Variants in ZNF385D observed in about 807,000 individuals in gnomAD.
ZNF385D encodes zinc finger protein 659.
Under a neutral mutation model 35.8 loss-of-function variants are expected in ZNF385D, and 15 were observed. That is an observed-to-expected ratio of 0.42 (90% CI 0.28 to 0.64). The LOEUF (loss-of-function observed/expected upper bound fraction) is 0.64, where lower values mean the gene tolerates loss of function less well. ZNF385D is among the 30% of genes least tolerant of loss of function. ZNF385D has a pLI of 0.23. For missense variants in ZNF385D, 474 were observed against 494.6 expected (o/e 0.96, Z 0.39); for synonymous variants, 212 against 186.8 (o/e 1.13, Z -1.10).
At chr3:22,005,482 A>G (rs541818123) in intron 3 of ZNF385D, among the ~76,000 whole-genome samples, 2 of 152,226 alleles carry the variant, frequency 1.3e-5, no homozygotes, top group South Asian at 2.1e-4. Context: ...TTAAATAGCT[A>G]TAAGAAAAGA....
At chr3:22,094,799 G>T (rs558517138) in intron 3 of ZNF385D, among the ~76,000 whole-genome samples, 3 of 152,044 alleles carry the variant, frequency 2.0e-5, no homozygotes, top group Non-Finnish European at 2.9e-5. Flanking sequence ...TACAGCTGTA[G>T]GTTGTCAGTT....
chr3:21,869,365 A>G (rs903597785), intron 3 of ZNF385D, among the ~76,000 whole-genome samples: 39 of 152,144 alleles, frequency 2.6e-4, no homozygotes, highest in Admixed American at 2.0e-4. Context: ...GTATTAACTA[A>G]TGTCCCACAC....
chr3:21,845,128 T>C (rs984712007), intron 3 of ZNF385D, among the ~76,000 whole-genome samples: 2 of 151,982 alleles, frequency 1.3e-5, no homozygotes, highest in Admixed American at 1.3e-4. Flanking sequence ...GTCAGAATTA[T>C]GGTTAGTCAT....
At chr3:21,889,602 CTG>C (rs1201297770) in intron 3 of ZNF385D, among the ~76,000 whole-genome samples, 4 of 151,890 alleles carry the variant, frequency 2.6e-5, no homozygotes, top group African/African-American at 9.7e-5. Flanking sequence ...AGAAAAAAAA[CTG>C]GGGAGAGAAA....
chr3:22,114,878 C>T (rs753226693), intron 3 of ZNF385D, among the ~76,000 whole-genome samples: 1 of 152,022 alleles, frequency 6.6e-6, no homozygotes, highest in Non-Finnish European at 1.5e-5. Context: ...AGAGCCTTTA[C>T]AGGGCATCTG....
chr3:22,164,216 C>CTTTTTTTTTTTTTTTTTTTTTTT lies in ZNF385D; in HGVS notation c.325+4578_325+4600dup, dbSNP rs571978176. ...CACTATAGGTAATACAAAAGGAGCA[C>CTTTTTTTTTTTTTTTTTTTTTTT]TTTTTTTTTTTTTTTTTTTTTTTTT... On this transcript the variant is annotated intron_variant, in intron 3 of 5. Coordinates refer to the ZNF385D transcript ENST00000494108. 5.1e-4 allele frequency among the ~76,000 whole-genome samples: 38 copies of CTTTTTTTTTTTTTTTTTTTTTTT among 74,950 alleles called. 6 individuals are homozygous for CTTTTTTTTTTTTTTTTTTTTTTT. Among genetic ancestry groups the CTTTTTTTTTTTTTTTTTTTTTTT allele is most frequent in the African/African-American group, 6.5e-4 (13 of 19,880 alleles). 49.2% of individuals were successfully genotyped at this position (74,950 alleles called of 152,430 possible). A position where few individuals can be genotyped will look rare whatever the true frequency, so the allele number is the denominator to read the frequency against.
intron 3 of ZNF385D, among the ~76,000 whole-genome samples, chr3:22,033,554 T>C (rs1443368020): frequency 1.3e-5 from 2 of 152,020 alleles, no homozygotes; most frequent in East Asian, 1.9e-4. Flanking sequence ...ATTATGAGTA[T>C]GTCACAGAAG....
At chr3:22,292,333 C>A (rs1412068678) in intron 2 of ZNF385D, among the ~76,000 whole-genome samples, 1 of 151,906 alleles carries the variant, frequency 6.6e-6, no homozygotes, top group Admixed American at 6.6e-5. Context: ...ATATTTTTAT[C>A]TCGTTTCTTT....
chr3:22,082,411 G>A (rs1700799191), intron 3 of ZNF385D, among the ~76,000 whole-genome samples: 1 of 152,278 alleles, frequency 6.6e-6, no homozygotes. Context: ...TCCGTGCCTG[G>A]CTCTGTGGGT....
intron 3 of ZNF385D, among the ~76,000 whole-genome samples, chr3:22,057,932 A>G (rs909177603): frequency 2.0e-5 from 3 of 152,220 alleles, no homozygotes; most frequent in South Asian, 2.1e-4. Flanking sequence ...TCATGGTTTC[A>G]CTATGACAAA....
At position 21,751,048 on chromosome 3, in the gene ZNF385D, G is replaced by C; in HGVS notation, c.-132C>G. 6.4e-7 allele frequency: 1 copy of C among 1,554,742 alleles called. No individual in the cohort carries two copies. The highest frequency in any genetic ancestry group is 1.2e-5 in the South Asian group (1 of 82,412). ...CGGCGTGGAGAGCAGTGAGCGCCGA[G>C]AGCGTGCCTCCTCCGCGGGATGAGC... is the stretch of plus-strand genomic sequence containing the variant. On this transcript the variant is annotated 5_prime_UTR_variant, in exon 1 of 8. Coordinates refer to ENST00000281523, the MANE Select transcript of ZNF385D (RefSeq NM_024697.3).
rs145490191 is a variant in ZNF385D at position 22,324,953 on chromosome 3, G to C, written c.106+47497C>G. Among the ~76,000 whole-genome samples, 428 of 152,304 alleles carry C rather than the reference G, an allele frequency of 2.8e-3. 1 individual carries two copies. Among genetic ancestry groups the C allele is most frequent in the Middle Eastern group, 0.024 (7 of 294 alleles). On this transcript the variant is annotated intron_variant, in intron 2 of 5. Transcript: ENST00000494108. ...TTACCATCTGTATGACCTTGAGCAA[G>C]ACACTTAACCTCTCTGTGTATCTGT...
At chr3:21,592,103 G>A (rs1269071761) in intron 2 of ZNF385D, among the ~76,000 whole-genome samples, 2 of 152,252 alleles carry the variant, frequency 1.3e-5, no homozygotes, top group East Asian at 3.9e-4. Context: ...GCGATTAAGT[G>A]AGATTATATT....
intron 3 of ZNF385D, among the ~76,000 whole-genome samples, chr3:22,162,629 C>A (rs757270045): frequency 1.3e-4 from 20 of 152,304 alleles, no homozygotes; most frequent in Non-Finnish European, 1.9e-4. Context: ...CTCCACCCCC[C>A]TTGCACTACG....
At chr3:21,437,307 G>A (rs1422304475) in intron 4 of ZNF385D, 104 bp from the exon 5 acceptor site, 3 of 1,102,890 alleles carry the variant, frequency 2.7e-6, no homozygotes, top group Non-Finnish European at 3.8e-6. Flanking sequence ...AATGATAAGA[G>A]CAGCTAGCAA....
At chr3:21,610,527 C>T (rs1964002) in intron 2 of ZNF385D, among the ~76,000 whole-genome samples, 92,989 of 152,006 alleles carry the variant, frequency 0.61, 30,068 homozygotes, top group African/African-American at 0.82. Context: ...TCCCAGCACT[C>T]TGGGAGGCCA....
chr3:21,595,964 C>T (rs1423196033), intron 2 of ZNF385D, among the ~76,000 whole-genome samples: 1 of 152,188 alleles, frequency 6.6e-6, no homozygotes, highest in East Asian at 1.9e-4. Flanking sequence ...ATACCTAATG[C>T]TTACTTAAGT....
chr3:21,621,420 A>G (rs566412115), intron 2 of ZNF385D, among the ~76,000 whole-genome samples: 1 of 152,274 alleles, frequency 6.6e-6, no homozygotes, highest in African/African-American at 2.4e-5. Context: ...AGTAGCAGCT[A>G]TGGTAAAACA....
chr3:21,807,057 AAAG>A (rs200049904), intron 3 of ZNF385D, among the ~76,000 whole-genome samples: 1,799 of 152,344 alleles, frequency 0.012, 39 homozygotes, highest in African/African-American at 0.041. Context: ...CAGAAGAGAG[AAAG>A]AAGGAGGAAA....
Sources: allele counts gnomAD v4.1 joint callset (sites outside exome capture counted in the v4.1 genomes callset), GRCh38; gene constraint gnomAD v4.1.1; transcripts MANE v1.5; gene names NCBI Gene and HGNC (gene_info 2026-07-23, HGNC 2026-07-21).